The following FGF14 variants were observed in gnomAD, a reference collection of about 807,000 sequenced individuals.
FGF14 encodes the protein fibroblast growth factor homologous factor 4.
FGF14 carries 5 observed loss-of-function variants against 25.5 expected under a neutral mutation model. That is an observed-to-expected ratio of 0.20 (90% CI 0.10 to 0.41). The LOEUF (loss-of-function observed/expected upper bound fraction) is 0.41, where lower values mean the gene tolerates loss of function less well. FGF14 is among the 10% of genes least tolerant of loss of function. The pLI is 1.00. For missense variants in FGF14, 222 were observed against 320.1 expected (o/e 0.69, Z 2.34); for synonymous variants, 138 against 118.3 (o/e 1.17, Z -1.08).
chr13:101,885,569 A>G (rs1594606372), intron 1 of FGF14, among the ~76,000 whole-genome samples: 1 of 152,316 alleles, frequency 6.6e-6, no homozygotes, highest in East Asian at 1.9e-4. Flanking sequence ...TTCGAATGGC[A>G]TAGGTAGCCA....
In FGF14 at chr13:101,721,367, A is replaced by AAATT. The variant is rs1289669961; in HGVS notation, c.*1460_*1463dup. ...AACAAACAGTGTTAAACTAAAAAGG[A>AAATT]AATTAAGAATGCAAAATAAAAGAAA... On this transcript the variant is annotated 3_prime_UTR_variant, in exon 5 of 5. Coordinates refer to ENST00000376143, the MANE Select transcript of FGF14 (RefSeq NM_004115.4). 2.0e-5 allele frequency: 3 copies of AAATT among 152,034 alleles called. No individual in the cohort carries two copies. Among genetic ancestry groups the AAATT allele is most frequent in the Admixed American group, 1.3e-4 (2 of 15,264 alleles). The allele number at this position is 152,034 out of a possible 1,614,324, so 9.4% of individuals were successfully genotyped here.
intron 1 of FGF14, among the ~76,000 whole-genome samples, chr13:102,390,759 G>A (rs1191584201): frequency 6.6e-6 from 1 of 152,080 alleles, no homozygotes; most frequent in East Asian, 1.9e-4. Context: ...TAATAACACA[G>A]GATTCAAAAT....
intron 1 of FGF14, among the ~76,000 whole-genome samples, chr13:102,348,337 G>C (rs1273642927): frequency 6.6e-6 from 1 of 152,160 alleles, no homozygotes; most frequent in East Asian, 1.9e-4. Flanking sequence ...GATGTTACGG[G>C]ATACAGCATG....
At chr13:102,382,199 T>C (rs1471846115) in intron 1 of FGF14, among the ~76,000 whole-genome samples, 1 of 151,942 alleles carries the variant, frequency 6.6e-6, no homozygotes, top group Non-Finnish European at 1.5e-5. Context: ...GAAAAGAAAA[T>C]CCACAGAATG....
chr13:102,263,480 A>G (rs2052824493), intron 1 of FGF14, among the ~76,000 whole-genome samples: 1 of 152,152 alleles, frequency 6.6e-6, no homozygotes, highest in Admixed American at 6.5e-5. Flanking sequence ...TAGAGACAGT[A>G]CCTAATATGT....
intron 1 of FGF14, among the ~76,000 whole-genome samples, chr13:101,944,190 C>T (rs956220708): frequency 5.3e-5 from 8 of 152,038 alleles, no homozygotes; most frequent in African/African-American, 1.7e-4. Flanking sequence ...ACTTTCCAAG[C>T]CCAGTTTTCT....
chr13:101,947,681 A>G (rs2035900937), intron 1 of FGF14, among the ~76,000 whole-genome samples: 1 of 152,160 alleles, frequency 6.6e-6, no homozygotes, highest in South Asian at 2.1e-4. Context: ...AGTGGGGACT[A>G]CTAGAGGGGG....
At chr13:102,044,743 C>A (rs1005176665) in intron 1 of FGF14, among the ~76,000 whole-genome samples, 6 of 152,112 alleles carry the variant, frequency 3.9e-5, no homozygotes, top group Admixed American at 3.9e-4. Flanking sequence ...CCATCCTCCA[C>A]CACTCAAGAA....
intron 1 of FGF14, chr13:102,002,679 G>A (rs992530905): frequency 3.3e-5 from 5 of 153,130 alleles, no homozygotes; most frequent in Non-Finnish European, 1.5e-5. Context: ...ATTACGTAGC[G>A]CTAATGGGAC....
At chr13:101,955,916 A>G (rs2036484921) in intron 1 of FGF14, among the ~76,000 whole-genome samples, 1 of 152,204 alleles carries the variant, frequency 6.6e-6, no homozygotes, top group South Asian at 2.1e-4. Flanking sequence ...ACCAAAGACA[A>G]TTGCTGCCTC....
At chr13:101,922,835 T>G (rs976344161) in intron 1 of FGF14, among the ~76,000 whole-genome samples, 2 of 151,100 alleles carry the variant, frequency 1.3e-5, no homozygotes, top group African/African-American at 4.9e-5. Context: ...TGCCTGGATT[T>G]TGTTTTTTAT....
At chr13:101,873,195 AT>A (rs1454430279) in intron 2 of FGF14, among the ~76,000 whole-genome samples, 2 of 152,174 alleles carry the variant, frequency 1.3e-5, no homozygotes, top group Non-Finnish European at 2.9e-5. Flanking sequence ...CTGAAGCAGT[AT>A]GCTTTTAAAA....
intron 1 of FGF14, among the ~76,000 whole-genome samples, chr13:102,214,565 T>C (rs1490823916): frequency 6.6e-6 from 1 of 152,176 alleles, no homozygotes; most frequent in African/African-American, 2.4e-5. Context: ...CTTTAAGTCA[T>C]AATCCCTGGA....
intron 1 of FGF14, among the ~76,000 whole-genome samples, chr13:101,894,267 A>G (rs2030270031): frequency 1.3e-5 from 2 of 152,202 alleles, no homozygotes; most frequent in Non-Finnish European, 2.9e-5. Context: ...GAAAATGGTT[A>G]GGTGAGAGAA....
intron 1 of FGF14, chr13:102,262,963 A>T: frequency 2.2e-6 from 1 of 453,864 alleles, no homozygotes; most frequent in Non-Finnish European, 4.0e-6. Context: ...GATAGTGGTG[A>T]CATTTTCAGC....
intron 1 of FGF14, among the ~76,000 whole-genome samples, chr13:102,291,061 G>A (rs2054368057): frequency 6.6e-6 from 1 of 152,048 alleles, no homozygotes; most frequent in Non-Finnish European, 1.5e-5. Context: ...AGTTAAAATG[G>A]AGCAATAGTA....
Position 102,184,779 on chromosome 13 carries a change from T to C in FGF14, c.208+216692A>G, listed in dbSNP as rs1258844435. ...TGGTATGAGAGTTCAGAAAGAAATT[T>C]GGTAATGTTCATCAAAATAATTTAG... On this transcript the variant is annotated intron_variant, in intron 1 of 4. Coordinates refer to the FGF14 transcript ENST00000376131. 2.0e-5 allele frequency among the ~76,000 whole-genome samples: 3 copies of C among 152,286 alleles called. No individual in the cohort carries two copies. The East Asian group carries it at 5.8e-4, about 29-fold the overall frequency.
intron 1 of FGF14, among the ~76,000 whole-genome samples, chr13:102,298,734 T>C (rs2054864230): frequency 6.6e-6 from 1 of 152,182 alleles, no homozygotes; most frequent in African/African-American, 2.4e-5. Flanking sequence ...GCTTCTTAGA[T>C]GAACAGTGCA....
intron 3 of FGF14, among the ~76,000 whole-genome samples, chr13:101,794,688 A>C (rs2040422772): frequency 6.6e-6 from 1 of 152,114 alleles, no homozygotes; most frequent in Non-Finnish European, 1.5e-5. Context: ...GCTATATTCA[A>C]CTGAATATTC....
Sources: allele counts gnomAD v4.1 joint callset (sites outside exome capture counted in the v4.1 genomes callset), GRCh38; gene constraint gnomAD v4.1.1; transcripts MANE v1.5; gene names NCBI Gene and HGNC (gene_info 2026-07-23, HGNC 2026-07-21).